The following EIF2B3 variants were observed in gnomAD, a reference collection of about 807,000 sequenced individuals.
The protein encoded by EIF2B3 is eukaryotic translation initiation factor 2B subunit gamma.
Under a neutral mutation model 54.1 loss-of-function variants are expected in EIF2B3, and 20 were observed. The ratio of observed to expected loss-of-function variants is 0.37; its 90% CI spans 0.26 to 0.54. The LOEUF (loss-of-function observed/expected upper bound fraction) is 0.54, where lower values mean the gene tolerates loss of function less well. Ranked by LOEUF, EIF2B3 falls within the 20% of genes least tolerant of loss-of-function variation. The probability of loss-of-function intolerance (pLI) is 0.86; values close to 1 mark genes in which losing one functional copy is unlikely to be tolerated. For synonymous variants in EIF2B3, 153 were observed against 188.1 expected (o/e 0.81, Z 1.52); for missense variants, 448 against 547.8 (o/e 0.82, Z 1.82).
At chr1:44,972,978 C>T (rs536371458) in intron 3 of EIF2B3, among the ~76,000 whole-genome samples, 2 of 152,194 alleles carry the variant, frequency 1.3e-5, no homozygotes, top group Admixed American at 6.5e-5. Flanking sequence ...GAGGTCAATG[C>T]TGCAGTGAGC....
intron 3 of EIF2B3, among the ~76,000 whole-genome samples, chr1:44,965,540 G>A (rs953961489): frequency 6.6e-6 from 1 of 150,762 alleles, no homozygotes; most frequent in Non-Finnish European, 1.5e-5. Context: ...TACTACTAAT[G>A]TACTAAAAGT....
At position 44,910,631 on chromosome 1, in the gene EIF2B3, CTTTTTTTT is replaced by C. The variant is rs60757270; in HGVS notation, c.567-13195_567-13188del. Among the ~76,000 whole-genome samples the C allele has an allele frequency of 3.3e-4, 20 of 61,412 alleles. 1 individual carries two copies. In the South Asian group the frequency reaches 0.013, roughly 41 times the overall value. The allele number at this position is 61,412 out of a possible 152,430, so 40.3% of individuals were successfully genotyped here. A position where few individuals can be genotyped will look rare whatever the true frequency, so the allele number is the denominator to read the frequency against. The stretch of plus-strand genomic sequence containing the variant: ...TCCCTCCCCACCCCCCCAAGTAATG[CTTTTTTTT>C]TTTTTTTTTTTTTTTTTTAAAAGAG... On this transcript the variant is annotated intron_variant, in intron 5 of 11. Coordinates refer to ENST00000360403, the MANE Select transcript of EIF2B3 (RefSeq NM_020365.5).
chr1:44,906,748 G>T (rs1643420340), intron 5 of EIF2B3, among the ~76,000 whole-genome samples: 1 of 152,132 alleles, frequency 6.6e-6, no homozygotes, highest in African/African-American at 2.4e-5. Context: ...CACCCTTGAG[G>T]TTCAACAGCT....
At chr1:44,903,689 C>A (rs190700465) in intron 5 of EIF2B3, among the ~76,000 whole-genome samples, 28 of 152,222 alleles carry the variant, frequency 1.8e-4, no homozygotes, top group African/African-American at 6.3e-4. Flanking sequence ...TGAATGAGAC[C>A]GTAAGAATTT....
chr1:44,977,533 C>T lies in EIF2B3; in HGVS notation c.294+782G>A, dbSNP rs1032279758. On this transcript the variant is annotated intron_variant, in intron 3 of 11. Coordinates refer to ENST00000360403, the MANE Select transcript of EIF2B3 (RefSeq NM_020365.5). ...AGGCTGGAGTGCAGTGGCATGATCT[C>T]GGCTCACTGCAACCTCCACCTCCTG... Among the ~76,000 whole-genome samples, 48 of 151,098 alleles carry T rather than the reference C, an allele frequency of 3.2e-4. 2 individuals carry two copies. The Middle Eastern group carries it at 0.017, about 54-fold the overall frequency.
chr1:44,914,603 C>T (rs1643583760), intron 5 of EIF2B3, among the ~76,000 whole-genome samples: 1 of 152,176 alleles, frequency 6.6e-6, no homozygotes, highest in Non-Finnish European at 1.5e-5. Context: ...AAAAGATGTA[C>T]TTATTTTACA....
intron 10 of EIF2B3, among the ~76,000 whole-genome samples, chr1:44,864,290 C>T (rs1465741798): frequency 6.6e-6 from 1 of 152,136 alleles, no homozygotes; most frequent in Non-Finnish European, 1.5e-5. Flanking sequence ...AAGTGCTGGG[C>T]TCGGTGGCTC....
At chr1:44,907,429 G>A (rs1286543408) in intron 5 of EIF2B3, among the ~76,000 whole-genome samples, 2 of 152,048 alleles carry the variant, frequency 1.3e-5, no homozygotes, top group African/African-American at 4.8e-5. Context: ...GTGGTGGGGC[G>A]TGCCTGTAAT....
intron 5 of EIF2B3, among the ~76,000 whole-genome samples, chr1:44,915,579 C>G (rs72676529): frequency 0.17 from 25,786 of 151,818 alleles, 2,298 homozygotes; most frequent in Non-Finnish European, 0.18. Context: ...GCCCAGGCTG[C>G]TCTTGAAATC....
At chr1:44,911,638 T>C (rs1417992725) in intron 5 of EIF2B3, among the ~76,000 whole-genome samples, 1 of 152,326 alleles carries the variant, frequency 6.6e-6, no homozygotes, top group South Asian at 2.1e-4. Flanking sequence ...GAAAACAACC[T>C]CCACCCACCC....
intron 4 of EIF2B3, among the ~76,000 whole-genome samples, chr1:44,939,014 T>C (rs1020661279): frequency 2.7e-5 from 4 of 149,372 alleles, no homozygotes; most frequent in African/African-American, 9.9e-5. Context: ...GGTGGGAGGA[T>C]TGCTTGAGCC....
At chr1:44,908,396 C>T (rs969227920) in intron 5 of EIF2B3, among the ~76,000 whole-genome samples, 1 of 152,152 alleles carries the variant, frequency 6.6e-6, no homozygotes, top group South Asian at 2.1e-4. Flanking sequence ...GAAAAATCTT[C>T]ACAGAAAAAT....
chr1:44,907,665 C>T (rs1643439105), intron 5 of EIF2B3, among the ~76,000 whole-genome samples: 2 of 152,036 alleles, frequency 1.3e-5, no homozygotes, highest in Admixed American at 6.6e-5. Flanking sequence ...CTTTGGGAGG[C>T]TGAGGTGGGG....
intron 6 of EIF2B3, among the ~76,000 whole-genome samples, chr1:44,891,068 G>T (rs1037918302): frequency 6.7e-6 from 1 of 149,516 alleles, no homozygotes; most frequent in African/African-American, 2.4e-5. Context: ...TCCTTCATAC[G>T]GTAGATGGGA....
At chr1:44,868,015 G>T (rs1654837631) in intron 10 of EIF2B3, among the ~76,000 whole-genome samples, 1 of 152,050 alleles carries the variant, frequency 6.6e-6, no homozygotes, top group Non-Finnish European at 1.5e-5. Context: ...TCTAGCCTGG[G>T]TGACAGAATG....
intron 4 of EIF2B3, among the ~76,000 whole-genome samples, chr1:44,931,489 T>C (rs535382919): frequency 6.6e-6 from 1 of 152,378 alleles, no homozygotes; most frequent in Admixed American, 6.5e-5. Context: ...CACTAGCTGA[T>C]ATCACTTGAA....
At chr1:44,950,021 C>T (rs1177913767) in intron 3 of EIF2B3, among the ~76,000 whole-genome samples, 1 of 152,104 alleles carries the variant, frequency 6.6e-6, no homozygotes, top group Admixed American at 6.6e-5. Flanking sequence ...AATGCACTGA[C>T]TTGGAATAGA....
intron 1 of EIF2B3, among the ~76,000 whole-genome samples, chr1:44,981,641 T>C (rs1370421970): frequency 6.6e-6 from 1 of 152,068 alleles, no homozygotes; most frequent in Non-Finnish European, 1.5e-5. Flanking sequence ...ATTTTTATTC[T>C]TTGAAAATAT....
intron 6 of EIF2B3, among the ~76,000 whole-genome samples, chr1:44,892,022 A>T (rs1270309487): frequency 6.6e-6 from 1 of 152,100 alleles, no homozygotes; most frequent in Non-Finnish European, 1.5e-5. Flanking sequence ...TACAGGCGTG[A>T]GCTATTGCAC....
Sources: gnomAD v4.1 joint callset for allele counts (sites outside exome capture counted in the v4.1 genomes callset) on GRCh38, gnomAD v4.1.1 for gene constraint, MANE v1.5 for transcripts, NCBI Gene and HGNC (gene_info 2026-07-23, HGNC 2026-07-21) for gene names.